Variants in PODN observed in about 807,000 individuals in gnomAD.
PODN encodes the protein podocan proteoglycan.
PODN carries 40 observed loss-of-function variants against 52.7 expected under a neutral mutation model. That is an observed-to-expected ratio of 0.76 (90% CI 0.59 to 0.99). PODN has a LOEUF of 0.99. Among genes scored for constraint, PODN ranks in the 50% least tolerant of loss-of-function variants. PODN has a pLI of 0.00. For missense variants in PODN, 720 were observed against 815.1 expected, an observed-to-expected ratio of 0.88 and a Z score of 1.42; for synonymous variants, 396 against 377.9, an observed-to-expected ratio of 1.05 and a Z score of -0.56.
intron 3 of PODN, chr1:53,073,431 T>G (rs1644148449): frequency 1.3e-5 from 2 of 152,244 alleles, no homozygotes; most frequent in Admixed American, 6.5e-5. Context: ...AGAAAACCTC[T>G]TACACGCCAA....
At chr1:53,062,693 T>C (rs1169636593) in intron 1 of PODN, among the ~76,000 whole-genome samples, 2 of 152,116 alleles carry the variant, frequency 1.3e-5, no homozygotes, top group African/African-American at 2.4e-5. Context: ...ACCCCTGTCA[T>C]GAGAGCCTGG....
At chr1:53,067,650 C>T (rs1001128114) in intron 1 of PODN, among the ~76,000 whole-genome samples, 2 of 152,136 alleles carry the variant, frequency 1.3e-5, no homozygotes, top group South Asian at 2.1e-4. Context: ...GGCCAAGTGA[C>T]TCATGCCTGT....
rs772878265 is a variant in PODN at position 53,074,533 on chromosome 1, G to T, written c.407-73G>T. 290 of 1,564,470 alleles carry T rather than the reference G, an allele frequency of 1.9e-4. 2 individuals are homozygous for T. The highest frequency in any genetic ancestry group is 3.7e-4 in the Admixed American group (22 of 59,832). On this transcript the variant is annotated intron_variant, in intron 3 of 10. Transcript: ENST00000312553. ...GTCCTGGCAGGCGGGTGGGGGAGGAGGGTGGGCGCTTGCTGTGCTTCCCTG... is the reference window on the plus strand; with the variant it reads ...GTCCTGGCAGGCGGGTGGGGGAGGATGGTGGGCGCTTGCTGTGCTTCCCTG...
chr1:53,075,042 T>C (rs1644174624), intron 4 of PODN, among the ~76,000 whole-genome samples: 1 of 152,110 alleles, frequency 6.6e-6, no homozygotes. Flanking sequence ...AGAAGGAATG[T>C]CATGAGTGAA....
chr1:53,072,651 G>C (rs1644135993), intron 3 of PODN, among the ~76,000 whole-genome samples: 1 of 152,152 alleles, frequency 6.6e-6, no homozygotes, highest in Non-Finnish European at 1.5e-5. Flanking sequence ...AGGTCTGCCT[G>C]CCTCCTTGAC....
At position 53,077,146 on chromosome 1, in the gene PODN, C is replaced by T. The variant is rs757914278; in HGVS notation, c.582-44C>T. 2.2e-5 allele frequency: 36 copies of T among 1,601,770 alleles called. No homozygotes were observed. The African/African-American group carries it at 4.7e-4, about 21-fold the overall frequency. On this transcript the variant is annotated intron_variant, in intron 5 of 10. Transcript: ENST00000312553. ...GCTCACCAGTTGAGCTGGCGCAGGG[C>T]CTGGGGAGCCCAGGTGGGTGAGGAC... is the stretch of plus-strand genomic sequence containing the variant.
chr1:53,068,669 C>G (rs1197706458), intron 1 of PODN, among the ~76,000 whole-genome samples: 1 of 152,184 alleles, frequency 6.6e-6, no homozygotes, highest in Non-Finnish European at 1.5e-5. Context: ...AGAGGTGGGA[C>G]TCAAACTGGG....
intron 10 of PODN, among the ~76,000 whole-genome samples, chr1:53,082,695 G>A (rs910358649): frequency 2.0e-5 from 3 of 152,264 alleles, no homozygotes; most frequent in East Asian, 1.9e-4. Context: ...AAATGCACAC[G>A]GATGCACCAA....
chr1:53,068,778 C>A (rs886855999), intron 1 of PODN, among the ~76,000 whole-genome samples: 3 of 152,140 alleles, frequency 2.0e-5, no homozygotes, highest in African/African-American at 7.2e-5. Context: ...AGGAACCCAC[C>A]AAGAGCCAAG....
intron 3 of PODN, chr1:53,072,838 A>G (rs1232695151): frequency 6.6e-6 from 1 of 152,354 alleles, no homozygotes; most frequent in Non-Finnish European, 1.5e-5. Flanking sequence ...AGGCAGGTGG[A>G]TCACCTGAGG....
At chr1:53,078,315 G>A (rs772490857) in intron 7 of PODN, 50 bp from the exon 8 acceptor site, 8 of 1,525,206 alleles carry the variant, frequency 5.2e-6, no homozygotes, top group East Asian at 2.3e-5. Context: ...TGGTGGAAAC[G>A]AGCACAATGT....
Position 53,081,964 on chromosome 1 carries a change from C to T in PODN, c.1662-17C>T, listed in dbSNP as rs375792622. 4 of 1,576,420 alleles carry T rather than the reference C, an allele frequency of 2.5e-6. No homozygotes were observed. In the African/African-American group the frequency reaches 5.4e-5, roughly 21 times the overall value. ...GGGGTTGGGCTCCTGGCATTGACTG[C>T]CTCGATGCTCACACAGGTTTAACAA... On this transcript the variant is annotated splice_polypyrimidine_tract_variant and intron_variant, in intron 9 of 10. Transcript: ENST00000312553.
intron 9 of PODN, among the ~76,000 whole-genome samples, chr1:53,081,340 G>A (rs1644292603): frequency 6.6e-6 from 1 of 152,200 alleles, no homozygotes; most frequent in African/African-American, 2.4e-5. Context: ...GAGCCAGGGT[G>A]GTTCTTCCCA....
intron 9 of PODN, 24 bp downstream of exon 9, chr1:53,080,900 T>G: frequency 6.2e-7 from 1 of 1,612,418 alleles, no homozygotes; most frequent in Non-Finnish European, 8.5e-7. Flanking sequence ...CGCGGCCCTG[T>G]ACACACCCCC....
chr1:53,074,825 C>A (rs1002535868), intron 4 of PODN, among the ~76,000 whole-genome samples, 155 bp downstream of exon 4: 1 of 152,022 alleles, frequency 6.6e-6, no homozygotes, highest in African/African-American at 2.4e-5. Context: ...GGGGGAGACA[C>A]GGACCCCATG....
intron 10 of PODN, among the ~76,000 whole-genome samples, chr1:53,082,783 CACACACATGCACACAG>C (rs1247685681): frequency 6.6e-6 from 1 of 152,166 alleles, no homozygotes; most frequent in Non-Finnish European, 1.5e-5. Flanking sequence ...ACACACACAC[CACACACATGCACACAG>C]ACACACATAC....
intron 1 of PODN, among the ~76,000 whole-genome samples, chr1:53,067,854 T>G (rs1040844431): frequency 2.7e-5 from 4 of 148,448 alleles, no homozygotes; most frequent in Non-Finnish European, 5.9e-5. Flanking sequence ...AGCTCAAGGT[T>G]ACAGTGAGCT....
chr1:53,077,396 C>A (rs1395198731), intron 6 of PODN, 50 bp downstream of exon 6: 2 of 1,601,178 alleles, frequency 1.2e-6, no homozygotes, highest in South Asian at 2.2e-5. Context: ...ACAGCCAGGG[C>A]ACTGGGGCAG....
chr1:53,076,094 G>C, intron 5 of PODN, 123 bp downstream of exon 5: 1 of 823,146 alleles, frequency 1.2e-6, no homozygotes. Flanking sequence ...GGCTGTGGTG[G>C]AGGGACACCC....
Sources: gnomAD v4.1 joint callset for allele counts (sites outside exome capture counted in the v4.1 genomes callset) on GRCh38, gnomAD v4.1.1 for gene constraint, MANE v1.5 for transcripts, NCBI Gene and HGNC (gene_info 2026-07-23, HGNC 2026-07-21) for gene names.